CACNA1E: variants seen among roughly 807,000 people sequenced by gnomAD.
The protein encoded by CACNA1E is voltage-dependent R-type calcium channel subunit alpha-1E.
CACNA1E carries 40 observed loss-of-function variants against 259.2 expected under a neutral mutation model. The ratio of observed to expected loss-of-function variants is 0.15; its 90% CI spans 0.12 to 0.20. The LOEUF (loss-of-function observed/expected upper bound fraction) is 0.20. Among genes scored for constraint, CACNA1E ranks in the 10% least tolerant of loss-of-function variants. The pLI is 1.00. For missense variants in CACNA1E, 1,874 were observed against 3,040.1 expected (o/e 0.62, Z 9.02); for synonymous variants, 1,104 against 1,138.5 (o/e 0.97, Z 0.61).
At chr1:181,791,974 G>T (rs951053814) in intron 44 of CACNA1E, among the ~76,000 whole-genome samples, 1 of 152,210 alleles carries the variant, frequency 6.6e-6, no homozygotes, top group Non-Finnish European at 1.5e-5. Flanking sequence ...ATGGTTGTGT[G>T]GGGGAGACAG....
intron 1 of CACNA1E, among the ~76,000 whole-genome samples, chr1:181,406,482 T>A (rs1161317634): frequency 6.6e-6 from 1 of 152,074 alleles, no homozygotes; most frequent in Non-Finnish European, 1.5e-5. Context: ...CTATAACTTC[T>A]ACCTCCTGGG....
chr1:181,374,604 AG>A (rs199647781), intron 1 of CACNA1E, among the ~76,000 whole-genome samples: 3,327 of 125,116 alleles, frequency 0.027, 133 homozygotes, highest in African/African-American at 0.087. Context: ...CTGGGACTGT[AG>A]GTATGTACCA....
At chr1:181,782,872 G>T (rs1660541294) in intron 39 of CACNA1E, among the ~76,000 whole-genome samples, 1 of 152,188 alleles carries the variant, frequency 6.6e-6, no homozygotes, top group Non-Finnish European at 1.5e-5. Flanking sequence ...GGTGGGAGAA[G>T]GGGAGCGGGG....
chr1:181,450,169 C>T (rs1176029603), intron 2 of CACNA1E, among the ~76,000 whole-genome samples: 1 of 152,172 alleles, frequency 6.6e-6, no homozygotes, highest in Non-Finnish European at 1.5e-5. Flanking sequence ...AACCAGATTT[C>T]ATGAGAATTC....
intron 6 of CACNA1E, among the ~76,000 whole-genome samples, chr1:181,619,189 G>T (rs769647001): frequency 2.8e-4 from 42 of 152,144 alleles, no homozygotes; most frequent in Admixed American, 3.9e-4. Context: ...AGGGGACGGG[G>T]TCGGTTTTGG....
At chr1:181,391,027 C>A (rs958253021) in intron 1 of CACNA1E, among the ~76,000 whole-genome samples, 2 of 152,170 alleles carry the variant, frequency 1.3e-5, no homozygotes, top group African/African-American at 4.8e-5. Context: ...ATCACCAATT[C>A]TCTCCTTTTC....
chr1:181,549,480 T>C (rs909701600), intron 3 of CACNA1E, among the ~76,000 whole-genome samples: 2 of 152,196 alleles, frequency 1.3e-5, no homozygotes, highest in Non-Finnish European at 2.9e-5. Flanking sequence ...TGCCACAGAC[T>C]GGCAGGGGTG....
At chr1:181,403,678 T>A (rs1054431510) in intron 1 of CACNA1E, among the ~76,000 whole-genome samples, 1 of 152,198 alleles carries the variant, frequency 6.6e-6, no homozygotes, top group African/African-American at 2.4e-5. Context: ...TAAAATCTTA[T>A]AATTTTGCAG....
At chr1:181,508,360 T>C (rs1665895415) in intron 1 of CACNA1E, among the ~76,000 whole-genome samples, 1 of 152,210 alleles carries the variant, frequency 6.6e-6, no homozygotes, top group Non-Finnish European at 1.5e-5. Flanking sequence ...ACTTCTGTTG[T>C]CTTTTGTCAG....
chr1:181,368,365 A>G (rs531620811), intron 1 of CACNA1E, among the ~76,000 whole-genome samples: 2 of 152,278 alleles, frequency 1.3e-5, no homozygotes, highest in Middle Eastern at 3.4e-3. Context: ...AATGAAAACT[A>G]TTTTCGCAGA....
chr1:181,441,460 C>CT (rs1660471117), intron 2 of CACNA1E, among the ~76,000 whole-genome samples: 4 of 152,218 alleles, frequency 2.6e-5, no homozygotes, highest in Admixed American at 2.6e-4. Flanking sequence ...CAATTCACTG[C>CT]TTTTAACATT....
At position 181,795,041 on chromosome 1, in the gene CACNA1E, T is replaced by G; in HGVS notation, c.6205T>G (p.Ser2069Ala). 1 of 1,613,520 alleles carries G rather than the reference T, an allele frequency of 6.2e-7. No homozygotes were observed. Among genetic ancestry groups the G allele is most frequent in the South Asian group, 1.1e-5 (1 of 90,974 alleles). The change falls in exon 46 of 48, where the codon TCA (serine) becomes GCA (alanine). Residue 2069 changes from serine (S) to alanine (A), a missense_variant. Transcript: ENST00000367573. ...RLSAHRLNSD[S>A]GHKSDTHRSG... ...GTCAGCCCACCGCCTGAACTCTGAT[T>G]CAGGTGAGGAGGTCTTCAGTGTCCA...
In CACNA1E at chr1:181,397,579, T is replaced by C. The variant is rs1656774931; in HGVS notation, c.-14-15554T>C. ...TCCCAAAGTGCTGGGATTACAGGTA[T>C]GAGCCACTGCGCCTGGACAGGGTGG... On this transcript the variant is annotated intron_variant, in intron 1 of 11. Transcript: ENST00000524607. 2.0e-5 allele frequency among the ~76,000 whole-genome samples: 3 copies of C among 152,312 alleles called. No individual in the cohort carries two copies. The South Asian group carries it at 6.2e-4, about 32-fold the overall frequency.
chr1:181,790,582 A>G, intron 44 of CACNA1E, 26 bp downstream of exon 44: 2 of 1,317,460 alleles, frequency 1.5e-6, no homozygotes, highest in East Asian at 2.3e-5. Context: ...ATATGACCTC[A>G]AAACTACTTC....
At chr1:181,688,467 C>T (rs1160533626) in intron 7 of CACNA1E, among the ~76,000 whole-genome samples, 1 of 152,170 alleles carries the variant, frequency 6.6e-6, no homozygotes, top group Admixed American at 6.5e-5. Context: ...GGCTATAGGA[C>T]ATTTGCATGC....
At chr1:181,634,354 A>G (rs1033353740) in intron 6 of CACNA1E, among the ~76,000 whole-genome samples, 2 of 152,220 alleles carry the variant, frequency 1.3e-5, no homozygotes, top group African/African-American at 4.8e-5. Context: ...GAACATAGCC[A>G]TAGTTTATTG....
At position 181,588,757 on chromosome 1, in the gene CACNA1E, C is replaced by G. The variant is rs114939363; in HGVS notation, c.951+7981C>G. Reference sequence around the variant, plus strand: ...TAATTTCTAATCCATGGCCAAAGGCCTCAGGTGCCTGATGTGTCATGCAGC... The same window carrying G: ...TAATTTCTAATCCATGGCCAAAGGCGTCAGGTGCCTGATGTGTCATGCAGC... On this transcript the variant is annotated intron_variant, in intron 6 of 47. Transcript: ENST00000367573. Among the ~76,000 whole-genome samples the G allele has an allele frequency of 3.3e-3, 503 of 152,318 alleles. 7 individuals carry two copies. The highest frequency in any genetic ancestry group is 0.01 in the African/African-American group (421 of 41,576).
At chr1:181,674,122 A>G (rs1056720412) in intron 7 of CACNA1E, among the ~76,000 whole-genome samples, 3 of 151,688 alleles carry the variant, frequency 2.0e-5, no homozygotes, top group South Asian at 4.2e-4. Context: ...GCTCATGCCT[A>G]TAATCCTAGC....
At chr1:181,719,687 C>A (rs1037211641) in intron 12 of CACNA1E, 64 bp from the exon 13 acceptor site, 14 of 809,320 alleles carry the variant, frequency 1.7e-5, no homozygotes, top group South Asian at 3.4e-5. Context: ...GTGTGCTGGG[C>A]GCTAGAATGC....
Sources: gnomAD v4.1 joint callset for allele counts (sites outside exome capture counted in the v4.1 genomes callset) on GRCh38, gnomAD v4.1.1 for gene constraint, MANE v1.5 for transcripts, NCBI Gene and HGNC (gene_info 2026-07-23, HGNC 2026-07-21) for gene names.